The following FREM1 variants were observed in gnomAD, a reference collection of about 807,000 sequenced individuals.
FREM1 encodes FRAS1 related extracellular matrix 1, also known as FRAS1-related extracellular matrix protein 1.
Under a neutral mutation model 210.1 loss-of-function variants are expected in FREM1, and 220 were observed. That is an observed-to-expected ratio of 1.05 (90% CI 0.94 to 1.17). FREM1 has a LOEUF of 1.17. Ranked by LOEUF, FREM1 falls within the 50% of genes most tolerant of loss-of-function variation. FREM1 has a pLI of 0.00. For missense variants in FREM1, 3,454 were observed against 2,675.5 expected, an observed-to-expected ratio of 1.29 and a Z score of -6.42; for synonymous variants, 1,189 against 980.2, an observed-to-expected ratio of 1.21 and a Z score of -3.98.
chr9:14,751,736 G>T (rs1222609652), intron 29 of FREM1: 1 of 152,148 alleles, frequency 6.6e-6, no homozygotes, highest in South Asian at 2.1e-4. Context: ...CATCTATATG[G>T]TGGCCTCTTT....
chr9:14,779,234 C>T (rs917229364), intron 24 of FREM1, among the ~76,000 whole-genome samples: 2 of 152,156 alleles, frequency 1.3e-5, no homozygotes, highest in African/African-American at 4.8e-5. Context: ...AACTGGCTCT[C>T]TGTTCCTTAC....
At chr9:14,839,798 G>A (rs1366164269) in intron 10 of FREM1, among the ~76,000 whole-genome samples, 1 of 152,112 alleles carries the variant, frequency 6.6e-6, no homozygotes, top group African/African-American at 2.4e-5. Flanking sequence ...AAAGTGATAC[G>A]GTATCCTAGT....
At chr9:14,774,546 TCTCTCTCTCTCTCTCTCA>T in intron 25 of FREM1, among the ~76,000 whole-genome samples, 1 of 114,976 alleles carries the variant, frequency 8.7e-6, no homozygotes, top group Non-Finnish European at 2.0e-5. Flanking sequence ...TCTCTCTCTC[TCTCTCTCTCTCTCTCTCA>T]GAGCAAGGAA....
intron 2 of FREM1, among the ~76,000 whole-genome samples, chr9:14,866,212 T>C (rs1415835211): frequency 2.6e-5 from 4 of 152,202 alleles, no homozygotes; most frequent in Non-Finnish European, 5.9e-5. Context: ...ACTGGAGTTT[T>C]ACCTTAAAAT....
At chr9:14,826,038 T>C (rs1271846335) in intron 10 of FREM1, among the ~76,000 whole-genome samples, 1 of 151,948 alleles carries the variant, frequency 6.6e-6, no homozygotes, top group Non-Finnish European at 1.5e-5. Flanking sequence ...GAATTATTTA[T>C]AGAATATCCA....
intron 24 of FREM1, 143 bp from the exon 25 acceptor site, chr9:14,776,346 A>G: frequency 1.1e-6 from 1 of 890,440 alleles, no homozygotes; most frequent in Non-Finnish European, 1.6e-6. Context: ...ATCTTGCAGA[A>G]AAATCCCTAT....
chr9:14,869,037 T>C lies in FREM1; in HGVS notation c.-60A>G. The C allele has an allele frequency of 1.7e-6, 2 of 1,211,784 alleles. No homozygotes were observed. The highest frequency in any genetic ancestry group is 2.6e-5 in the East Asian group (1 of 39,100). The allele number at this position is 1,211,784 out of a possible 1,614,324, so 75.1% of individuals were successfully genotyped here. On this transcript the variant is annotated 5_prime_UTR_variant, in exon 2 of 37. Transcript: ENST00000380880. ...GAAATCCCTTTAACAAAGGAGGGCT[T>C]CTGTGCTTCCTCCTGGAGGGTCAGC...
chr9:14,810,481 T>G (rs1819200924), intron 16 of FREM1, among the ~76,000 whole-genome samples: 1 of 152,170 alleles, frequency 6.6e-6, no homozygotes, highest in Non-Finnish European at 1.5e-5. Flanking sequence ...AGACAGGGTC[T>G]CACTCTGCTG....
At chr9:14,782,659 T>G (rs973529274) in intron 24 of FREM1, among the ~76,000 whole-genome samples, 15 of 152,204 alleles carry the variant, frequency 9.9e-5, no homozygotes, top group Admixed American at 9.8e-4. Context: ...AAGATCATAC[T>G]TGGTGTTGTA....
chr9:14,737,686 A>G (rs1840649805), intron 36 of FREM1, 91 bp from the exon 37 acceptor site: 4 of 1,060,674 alleles, frequency 3.8e-6, no homozygotes, highest in South Asian at 2.3e-5. Flanking sequence ...CAGTTATCAC[A>G]TGCAAGTGTG....
intron 6 of FREM1, 60 bp from the exon 7 acceptor site, chr9:14,848,833 T>A: frequency 9.8e-7 from 1 of 1,015,776 alleles, no homozygotes; most frequent in Non-Finnish European, 1.5e-6. Context: ...AAAGTAGCAT[T>A]AATTCTGGGT....
rs117740931 is a variant in FREM1 at position 14,879,770 on chromosome 9, A to G, written c.-267-10526T>C. On this transcript the variant is annotated intron_variant, in intron 1 of 36. Transcript: ENST00000380880. ...TAAAGCAACTCTAAAGGCTGCATCT[A>G]TGTATATGCATACATGTAGATGGAG... 7.9e-3 allele frequency among the ~76,000 whole-genome samples: 1,201 copies of G among 152,358 alleles called. 8 individuals carry two copies. Among genetic ancestry groups the G allele is most frequent in the Non-Finnish European group, 0.012 (819 of 68,038 alleles).
At chr9:14,794,970 C>A (rs1159963103) in intron 21 of FREM1, among the ~76,000 whole-genome samples, 1 of 144,452 alleles carries the variant, frequency 6.9e-6, no homozygotes, top group Non-Finnish European at 1.5e-5. Flanking sequence ...TGCACTCCAG[C>A]CTGGGTGACA....
chr9:14,759,518 C>CAATAACAATAATAATAATAAT (rs145791752), intron 28 of FREM1, among the ~76,000 whole-genome samples: 6 of 143,044 alleles, frequency 4.2e-5, no homozygotes, highest in Admixed American at 2.1e-4. Context: ...CTCAAAATAA[C>CAATAACAATAATAATAATAAT]AATAATAATA....
At chr9:14,853,579 C>G (rs1208428681) in intron 5 of FREM1, among the ~76,000 whole-genome samples, 1 of 152,144 alleles carries the variant, frequency 6.6e-6, no homozygotes, top group African/African-American at 2.4e-5. Flanking sequence ...GTCATCAATG[C>G]CTGATCAAAT....
At chr9:14,869,975 CTT>C (rs1375706703) in intron 1 of FREM1, among the ~76,000 whole-genome samples, 1 of 152,142 alleles carries the variant, frequency 6.6e-6, no homozygotes, top group Admixed American at 6.6e-5. Flanking sequence ...CAAATAGAGT[CTT>C]TGTTTCCACT....
intron 1 of FREM1, among the ~76,000 whole-genome samples, chr9:14,902,300 T>C (rs1588673964): frequency 6.6e-6 from 1 of 152,302 alleles, no homozygotes; most frequent in East Asian, 1.9e-4. Context: ...TGTGAAACAC[T>C]ATATGATCTC....
chr9:14,770,440 G>C (rs2132492862), intron 26 of FREM1, among the ~76,000 whole-genome samples, 165 bp downstream of exon 26: 1 of 152,272 alleles, frequency 6.6e-6, no homozygotes, highest in East Asian at 1.9e-4. Context: ...GGAAGGCTCA[G>C]CTTCAAACCC....
intron 5 of FREM1, among the ~76,000 whole-genome samples, chr9:14,856,785 A>G (rs1346987229): frequency 1.4e-5 from 2 of 147,968 alleles, no homozygotes; most frequent in Admixed American, 6.9e-5. Context: ...GTGAGCCGAC[A>G]TTATTGCGCT....
Sources: allele counts gnomAD v4.1 joint callset (sites outside exome capture counted in the v4.1 genomes callset), GRCh38; gene constraint gnomAD v4.1.1; transcripts MANE v1.5; gene names NCBI Gene and HGNC (gene_info 2026-07-23, HGNC 2026-07-21).